The following ZNF219 variants were observed in gnomAD, a reference collection of about 807,000 sequenced individuals.
The protein encoded by ZNF219 is zinc finger protein 219.
ZNF219 carries 17 observed loss-of-function variants against 54.4 expected under a neutral mutation model. That is an observed-to-expected ratio of 0.31 (90% confidence interval 0.21 to 0.47). The LOEUF (loss-of-function observed/expected upper bound fraction) is 0.47. Among genes scored for constraint, ZNF219 ranks in the 20% least tolerant of loss-of-function variants. The probability of loss-of-function intolerance (pLI) is 1.00; values close to 1 mark genes in which losing one functional copy is unlikely to be tolerated. For synonymous variants in ZNF219, 518 were observed against 476.4 expected, an observed-to-expected ratio of 1.09 and a Z score of -1.14; for missense variants, 1,014 against 1,062.3, an observed-to-expected ratio of 0.95 and a Z score of 0.63.
intron 1 of ZNF219, 144 bp from the exon 2 acceptor site, chr14:21,093,818 C>T: frequency 1.4e-6 from 1 of 707,014 alleles, no homozygotes; most frequent in East Asian, 2.7e-5. Flanking sequence ...GAAGGGGCTG[C>T]TATACTCAAA....
At position 21,091,243 on chromosome 14, in the gene ZNF219, G is replaced by A. The variant is rs1238038565; in HGVS notation, c.1565-103C>T. 4 of 1,511,202 alleles carry A rather than the reference G, an allele frequency of 2.6e-6. No individual in the cohort carries two copies. The African/African-American group carries it at 4.2e-5, about 16-fold the overall frequency. 93.6% of individuals were successfully genotyped at this position (1,511,202 alleles called of 1,614,324 possible). ...ACCTCATTCTCAGAACCAAGAAAGG[G>A]CACTGCGTCTCCCACCCACTTTGAT... On this transcript the variant is annotated intron_variant, in intron 4 of 4. Coordinates refer to ENST00000360947, the MANE Select transcript of ZNF219 (RefSeq NM_016423.3).
chr14:21,103,711 T>G (rs1302684694), upstream of ZNF219: 1 of 155,778 alleles, frequency 6.4e-6, no homozygotes, highest in African/African-American at 2.4e-5. Flanking sequence ...ATAAAGAGCC[T>G]TCTCTCCGCG....
chr14:21,091,311 T>C, intron 4 of ZNF219, 100 bp downstream of exon 4: 1 of 1,524,020 alleles, frequency 6.6e-7, no homozygotes, highest in Non-Finnish European at 8.8e-7. Flanking sequence ...CCAGCCAAAC[T>C]GAAGGCTTCG....
At position 21,092,530 on chromosome 14, in the gene ZNF219, G is replaced by C. The variant is rs1174760400; in HGVS notation, c.767C>G (p.Ala256Gly). The change falls in exon 3 of 5, where the codon GCA becomes GGA. Residue 256 changes from alanine to glycine, a missense_variant. Ala to Gly is a moderately conservative substitution (Grantham distance 60, BLOSUM62 0). Coordinates refer to ENST00000360947, the MANE Select transcript of ZNF219 (RefSeq NM_016423.3). ...AGCGGCAGGAGCTGGGGTCGGGGTT[G>C]CCTCACGTTCGGGCTCCGGCTCCGG... The part of the protein sequence containing the change: ...PEPEPEPERE[A>G]TPTPAPAAPE... 6.5e-7 allele frequency: 1 copy of C among 1,549,716 alleles called. No individual in the cohort carries two copies. Among genetic ancestry groups the C allele is most frequent in the Admixed American group, 2.0e-5 (1 of 51,000 alleles).
intron 2 of ZNF219, 139 bp from the exon 3 acceptor site, chr14:21,093,429 C>A: frequency 6.9e-7 from 1 of 1,451,146 alleles, no homozygotes. Context: ...TGCTACTCAC[C>A]TCGGGAAGAT....
intron 1 of ZNF219, chr14:21,104,307 C>T (rs1238678510): frequency 6.6e-6 from 1 of 152,394 alleles, no homozygotes; most frequent in Admixed American, 6.5e-5. Flanking sequence ...GACCTTTGAT[C>T]TCGGCTGCGG....
Position 21,090,316 on chromosome 14 carries a change from A to G in ZNF219, c.*220T>C. ...GCCAGCCCAGGGACCCCGTTCTTTG[A>G]CCCTCACCTCTGCCACTTCTAAGGC... On this transcript the variant is annotated 3_prime_UTR_variant, in exon 5 of 5. Transcript: ENST00000360947. This position sits in a 1 kb window ranked among gnomAD's most constrained non-coding sequence, Gnocchi z 4.4. The G allele has an allele frequency of 1.4e-6, 1 of 719,470 alleles. No homozygotes were observed. Among genetic ancestry groups the G allele is most frequent in the African/African-American group, 1.7e-5 (1 of 57,634 alleles). The allele number at this position is 719,470 out of a possible 1,614,324, so 44.6% of individuals were successfully genotyped here.
upstream of ZNF219, chr14:21,102,158 C>A: frequency 6.5e-7 from 1 of 1,534,686 alleles, no homozygotes; most frequent in South Asian, 1.2e-5. Flanking sequence ...CCTCCCACTC[C>A]CTAAAACAGA....
At chr14:21,097,696 A>G (rs1040406620) in intron 1 of ZNF219, among the ~76,000 whole-genome samples, 3 of 152,150 alleles carry the variant, frequency 2.0e-5, no homozygotes, top group African/African-American at 7.2e-5. Context: ...TAGGGAGGCC[A>G]AGGCTCAGCT....
At position 21,092,687 on chromosome 14, in the gene ZNF219, G is replaced by A. The variant is rs1361369763; in HGVS notation, c.610C>T (p.Leu204=). ...TGGGCCGTCAGGCTGTGGTGCAGCA[G>A]CTCCTCCTCCTGGCTGGAGCCGAAA... The part of the protein sequence containing the change: ...CSFGSSQEEE[L]LHHSLTAHGA... Residue 204 remains leucine, a synonymous_variant, in exon 3 of 5, where the codon CTG becomes TTG. Coordinates refer to ENST00000360947, the MANE Select transcript of ZNF219 (RefSeq NM_016423.3). The A allele has an allele frequency of 1.3e-6, 2 of 1,577,716 alleles. No individual in the cohort carries two copies. Among genetic ancestry groups the A allele is most frequent in the African/African-American group, 1.3e-5 (1 of 74,594 alleles).
In ZNF219 at chr14:21,098,478, C is replaced by T; in HGVS notation, c.-250G>A. The T allele has an allele frequency of 5.1e-6, 5 of 979,050 alleles. No individual in the cohort carries two copies. Among genetic ancestry groups the T allele is most frequent in the Non-Finnish European group, 6.1e-6 (5 of 825,976 alleles). 60.6% of individuals were successfully genotyped at this position (979,050 alleles called of 1,614,324 possible). A position where few individuals can be genotyped will look rare whatever the true frequency, so the allele number is the denominator to read the frequency against. On this transcript the variant is annotated 5_prime_UTR_variant, in exon 1 of 5. Coordinates refer to ENST00000360947, the MANE Select transcript of ZNF219 (RefSeq NM_016423.3). ...CGCCCCCTCCCCGGTCCCCCGCCCC[C>T]GGCCCTGGCCCGCATTGTGTGCGGC... is the stretch of plus-strand genomic sequence containing the variant.
intron 1 of ZNF219, chr14:21,094,495 T>C: frequency 2.3e-6 from 1 of 438,088 alleles, no homozygotes; most frequent in South Asian, 1.6e-5. Flanking sequence ...TCCTCCTCTC[T>C]GCAGGGGAGA....
chr14:21,101,956 C>T (rs1434467328), upstream of ZNF219: 4 of 1,551,698 alleles, frequency 2.6e-6, no homozygotes, highest in South Asian at 4.8e-5. Flanking sequence ...ACAGCGCTGC[C>T]TCTTGGGCCT....
At chr14:21,102,125 GA>G, upstream of ZNF219, 1 of 1,550,562 alleles carries the variant, frequency 6.4e-7, no homozygotes, top group South Asian at 1.2e-5. Flanking sequence ...TGGAAGGTGA[GA>G]GGGAAGAAAA....
chr14:21,091,855 A>G lies in ZNF219; in HGVS notation c.1432+10T>C, dbSNP rs1014978946. The G allele has an allele frequency of 6.6e-7, 1 of 1,514,436 alleles. No individual in the cohort carries two copies. Among genetic ancestry groups the G allele is most frequent in the Admixed American group, 2.2e-5 (1 of 45,390 alleles). The allele number at this position is 1,514,436 out of a possible 1,614,324, so 93.8% of individuals were successfully genotyped here. A position where few individuals can be genotyped will look rare whatever the true frequency, so the allele number is the denominator to read the frequency against. On this transcript the variant is annotated intron_variant, in intron 3 of 4. Transcript: ENST00000360947. The stretch of plus-strand genomic sequence containing the variant: ...GCGGCGTACCCGGAGAGCGGAGGGT[A>G]CCTACATACCCTGCGTGGCGGTCGA...
Position 21,094,770 on chromosome 14 carries a change from G to A in ZNF219, c.-83-1096C>T, listed in dbSNP as rs142065766. On this transcript the variant is annotated intron_variant, in intron 1 of 4. Coordinates refer to ENST00000360947, the MANE Select transcript of ZNF219 (RefSeq NM_016423.3). ...TGATCCTAAGCTGCAGAGGAGTTTA[G>A]CATGAGGACTTAGAAGAAACCCCAG... is the stretch of plus-strand genomic sequence containing the variant. 2.1e-4 allele frequency among the ~76,000 whole-genome samples: 30 copies of A among 144,078 alleles called. No homozygotes were observed. In the East Asian group the frequency reaches 5.8e-3, roughly 28 times the overall value. The allele number at this position is 144,078 out of a possible 152,430, so 94.5% of individuals were successfully genotyped here.
upstream of ZNF219, chr14:21,101,710 T>C: frequency 1.5e-6 from 1 of 672,772 alleles, no homozygotes; most frequent in Non-Finnish European, 2.5e-6. Flanking sequence ...AATTAAATGA[T>C]ACTTAATTTT....
At chr14:21,097,662 A>T (rs1889350467) in intron 1 of ZNF219, among the ~76,000 whole-genome samples, 1 of 152,086 alleles carries the variant, frequency 6.6e-6, no homozygotes, top group South Asian at 2.1e-4. Context: ...AGCCAGAAGG[A>T]TGATGGGGGG....
At chr14:21,099,613 T>G (rs1214374421), upstream of ZNF219, among the ~76,000 whole-genome samples, 1 of 152,136 alleles carries the variant, frequency 6.6e-6, no homozygotes, top group African/African-American at 2.4e-5. Flanking sequence ...ACTTCTAGAG[T>G]CTTCTGGCGC....
Sources: gnomAD v4.1 joint callset for allele counts (sites outside exome capture counted in the v4.1 genomes callset) on GRCh38, gnomAD v4.1.1 for gene constraint, Gnocchi (gnomAD v3.1) non-coding constraint, MANE v1.5 for transcripts, NCBI Gene and HGNC (gene_info 2026-07-23, HGNC 2026-07-21) for gene names.